TPTE: variants seen among roughly 807,000 people sequenced by gnomAD.
TPTE encodes putative tyrosine-protein phosphatase TPTE.
Under a neutral mutation model 84.1 loss-of-function variants are expected in TPTE, and 59 were observed. That is an observed-to-expected ratio of 0.70 (90% CI 0.57 to 0.87). TPTE has a LOEUF of 0.87. TPTE is among the 40% of genes least tolerant of loss of function. TPTE has a pLI of 0.00. For missense variants in TPTE, 382 were observed against 659.6 expected (o/e 0.58, Z 4.61); for synonymous variants, 130 against 223.5 (o/e 0.58, Z 3.73).
Position 10,569,700 on chromosome 21 carries a change from G to T in TPTE, c.684G>T (p.Arg228Ser), listed in dbSNP as rs749470071. 73 of 1,613,470 alleles carry T rather than the reference G, an allele frequency of 4.5e-5. No homozygotes were observed. The African/African-American group carries it at 9.1e-4, about 20-fold the overall frequency. ...LIRRRVSENKRRYTRDGFDLD... is the reference protein window; with the variant it reads ...LIRRRVSENKSRYTRDGFDLD... ...ACTGTCAGGTTTCAGAAAACAAAAG[G>T]CGATACACAAGGGATGGATTTGACC... Residue 228 changes from arginine (R) to serine (S), a missense_variant, in exon 13 of 24, where the codon AGG becomes AGT. Coordinates refer to ENST00000618007, the MANE Select transcript of TPTE (RefSeq NM_199261.4).
intron 21 of TPTE, among the ~76,000 whole-genome samples, chr21:10,598,811 C>T (rs1463834895): frequency 6.6e-6 from 1 of 152,310 alleles, no homozygotes; most frequent in Non-Finnish European, 1.5e-5. Context: ...CCTACCCAGG[C>T]CTTTGTCTCA....
chr21:10,566,459 A>G (rs569704460), intron 10 of TPTE, among the ~76,000 whole-genome samples: 3 of 152,424 alleles, frequency 2.0e-5, no homozygotes, highest in South Asian at 2.1e-4. Context: ...GTTACTCAAA[A>G]AACTAAAAAT....
chr21:10,570,623 C>A, intron 14 of TPTE, 74 bp downstream of exon 14: 2 of 1,603,884 alleles, frequency 1.2e-6, no homozygotes, highest in Non-Finnish European at 1.7e-6. Context: ...TAATACTGAC[C>A]CAGATATGGC....
chr21:10,527,149 T>TCA (rs1277546815), intron 2 of TPTE, among the ~76,000 whole-genome samples: 1,147 of 147,306 alleles, frequency 7.8e-3, no homozygotes, highest in East Asian at 0.035. Context: ...TCTCTCTCTC[T>TCA]CTCTCTCTCA....
At chr21:10,532,234 C>T (rs469945) in intron 3 of TPTE, among the ~76,000 whole-genome samples, 31,676 of 144,670 alleles carry the variant, frequency 0.22, 63 homozygotes, top group African/African-American at 0.47. Context: ...TATTTTCTTG[C>T]ACTAATGTTA....
chr21:10,537,083 T>C (rs1459930014), intron 3 of TPTE, among the ~76,000 whole-genome samples: 5 of 152,420 alleles, frequency 3.3e-5, no homozygotes, highest in Admixed American at 1.3e-4. Flanking sequence ...ACACCTATAA[T>C]GGCAAAAACA....
At chr21:10,558,385 C>T (rs2074725767) in intron 8 of TPTE, among the ~76,000 whole-genome samples, 1 of 152,306 alleles carries the variant, frequency 6.6e-6, no homozygotes, top group African/African-American at 2.4e-5. Context: ...TATATGTGTT[C>T]CCTTTTCTCT....
chr21:10,588,643 C>A lies in TPTE; in HGVS notation c.1028-1819C>A, dbSNP rs1212060803. On this transcript the variant is annotated intron_variant, in intron 17 of 23. Transcript: ENST00000618007. The stretch of plus-strand genomic sequence containing the variant: ...TTTTCTCTTTCTCTCTAGGGCATGC[C>A]AGTAATTCATAGGTTTGGTCACTTT... 3.3e-5 allele frequency among the ~76,000 whole-genome samples: 5 copies of A among 152,400 alleles called. No homozygotes were observed. The East Asian group carries it at 9.7e-4, about 29-fold the overall frequency.
At chr21:10,558,284 CTCAG>C (rs1336923817) in intron 8 of TPTE, among the ~76,000 whole-genome samples, 2 of 152,302 alleles carry the variant, frequency 1.3e-5, no homozygotes, top group African/African-American at 2.4e-5. Flanking sequence ...ATTGGGATTG[CTCAG>C]TCAAATAGTT....
chr21:10,545,457 G>A (rs1404615413), intron 7 of TPTE, among the ~76,000 whole-genome samples: 1 of 152,310 alleles, frequency 6.6e-6, no homozygotes, highest in Admixed American at 6.5e-5. Context: ...AGAAAAGTAT[G>A]TCTCTGAAGT....
At chr21:10,588,064 G>A (rs1343560122) in intron 17 of TPTE, among the ~76,000 whole-genome samples, 1 of 152,382 alleles carries the variant, frequency 6.6e-6, no homozygotes, top group South Asian at 2.1e-4. Context: ...GGCCAGGCTG[G>A]TCTTGAACTC....
intron 3 of TPTE, among the ~76,000 whole-genome samples, chr21:10,533,318 C>T (rs2074210855): frequency 6.6e-6 from 1 of 152,308 alleles, no homozygotes; most frequent in Admixed American, 6.5e-5. Context: ...CTCCCATTCT[C>T]ATTTCATGTT....
intron 3 of TPTE, among the ~76,000 whole-genome samples, chr21:10,537,445 G>T (rs557744237): frequency 6.6e-6 from 1 of 152,304 alleles, no homozygotes; most frequent in Non-Finnish European, 1.5e-5. Context: ...TTGGGAGGCC[G>T]AGGTGGGTGG....
At chr21:10,534,831 T>A (rs1391030408) in intron 3 of TPTE, among the ~76,000 whole-genome samples, 17 of 152,300 alleles carry the variant, frequency 1.1e-4, no homozygotes, top group African/African-American at 4.1e-4. Context: ...GAAGTCTACT[T>A]CTTCCTAGCT....
At chr21:10,589,306 G>A (rs1181943254) in intron 17 of TPTE, among the ~76,000 whole-genome samples, 1 of 152,298 alleles carries the variant, frequency 6.6e-6, no homozygotes, top group African/African-American at 2.4e-5. Flanking sequence ...GTTTTATATT[G>A]GGTGTGTGGT....
intron 17 of TPTE, among the ~76,000 whole-genome samples, chr21:10,587,943 G>A (rs7277288): frequency 7.3e-4 from 111 of 151,922 alleles, no homozygotes; most frequent in African/African-American, 2.6e-3. Flanking sequence ...CCGCCTCCTG[G>A]GTTCAAGCGA....
At chr21:10,597,670 C>T (rs2075613951) in intron 20 of TPTE, among the ~76,000 whole-genome samples, 1 of 152,430 alleles carries the variant, frequency 6.6e-6, no homozygotes, top group Middle Eastern at 3.4e-3. Context: ...CCACCTCGCC[C>T]TCCCAAAGTG....
At chr21:10,529,388 A>C (rs2074137663) in intron 3 of TPTE, among the ~76,000 whole-genome samples, 2 of 152,312 alleles carry the variant, frequency 1.3e-5, no homozygotes, top group Admixed American at 1.3e-4. Context: ...ACTTAATAGA[A>C]TGTCTAACAG....
chr21:10,605,116 CCTGA>C (rs1236689805), intron 23 of TPTE, among the ~76,000 whole-genome samples: 2 of 152,292 alleles, frequency 1.3e-5, no homozygotes, highest in Non-Finnish European at 2.9e-5. Context: ...TCATGTCTAT[CCTGA>C]CTGATTTCTG....
Sources: allele counts gnomAD v4.1 joint callset (sites outside exome capture counted in the v4.1 genomes callset), GRCh38; gene constraint gnomAD v4.1.1; transcripts MANE v1.5; gene names NCBI Gene and HGNC (gene_info 2026-07-23, HGNC 2026-07-21).